Variants in DHRS9 observed in about 807,000 individuals in gnomAD.
The protein encoded by DHRS9 is dehydrogenase/reductase SDR family member 9.
DHRS9 carries 18 observed loss-of-function variants against 26.6 expected under a neutral mutation model. The observed-to-expected ratio is 0.68, with a 90% CI of 0.47 to 1.00. The LOEUF (loss-of-function observed/expected upper bound fraction) is 1.00, where lower values mean the gene tolerates loss of function less well. Among genes scored for constraint, DHRS9 ranks in the 50% least tolerant of loss-of-function variants. DHRS9 has a pLI of 0.00. For missense variants in DHRS9, 425 were observed against 378.7 expected (o/e 1.12, Z -1.01); for synonymous variants, 134 against 141.1 (o/e 0.95, Z 0.36).
At position 169,081,738 on chromosome 2, in the gene DHRS9, G is replaced by A. The variant is rs1183705713; in HGVS notation, c.157G>A (p.Gly53Arg). 4 of 1,614,150 alleles carry A rather than the reference G, an allele frequency of 2.5e-6. No individual in the cohort carries two copies. The highest frequency in any genetic ancestry group is 1.1e-5 in the South Asian group (1 of 91,082). Residue 53 changes from glycine to arginine, a missense_variant, in exon 2 of 5, where the codon GGA becomes AGA. Gly to Arg is a moderately radical substitution (Grantham distance 125). Coordinates refer to ENST00000674881, the MANE Select transcript of DHRS9 (RefSeq NM_001376924.1). ...GGCAGCCAGAACTTTTGATAAAAAGGGATTTCATGTAATCGCTGCCTGTCT... is the reference window on the plus strand; with the variant it reads ...GGCAGCCAGAACTTTTGATAAAAAGAGATTTCATGTAATCGCTGCCTGTCT... Reference protein sequence around the residue: ...NLAARTFDKKGFHVIAACLTE... With the variant: ...NLAARTFDKKRFHVIAACLTE...
intron 1 of DHRS9, chr2:169,074,206 C>CT: frequency 1.1e-6 from 1 of 906,810 alleles, no homozygotes; most frequent in Non-Finnish European, 1.3e-6. Context: ...GACATTAGGT[C>CT]ACTTCACCCA....
At chr2:169,094,072 T>A (rs1030042970) in intron 4 of DHRS9, among the ~76,000 whole-genome samples, 1 of 152,230 alleles carries the variant, frequency 6.6e-6, no homozygotes, top group Non-Finnish European at 1.5e-5. Flanking sequence ...CAAGAGGTTT[T>A]CTCCATGCCC....
At chr2:169,075,032 G>C (rs938861232) in intron 1 of DHRS9, among the ~76,000 whole-genome samples, 1 of 152,202 alleles carries the variant, frequency 6.6e-6, no homozygotes, top group East Asian at 1.9e-4. Flanking sequence ...CAACTACTTA[G>C]ATTTGAGCTT....
intron 1 of DHRS9, chr2:169,070,258 A>G (rs980586118): frequency 1.0e-6 from 1 of 985,324 alleles, no homozygotes; most frequent in African/African-American, 1.7e-5. Context: ...GAAATTCCCA[A>G]CAATTCATAT....
intron 1 of DHRS9, chr2:169,072,786 C>A (rs1015717344): frequency 3.1e-6 from 1 of 326,994 alleles, no homozygotes; most frequent in Non-Finnish European, 4.4e-6. Flanking sequence ...CTGCTGTCGA[C>A]TGATAATGTG....
At position 169,094,186 on chromosome 2, in the gene DHRS9, G is replaced by A. The variant is rs139227981; in HGVS notation, c.737-1358G>A. ...ATTTGCATTTCCCTGATGATTAGTGGTGACAAACATTTTTTTCATATACCT... is the reference window on the plus strand; with the variant it reads ...ATTTGCATTTCCCTGATGATTAGTGATGACAAACATTTTTTTCATATACCT... On this transcript the variant is annotated intron_variant, in intron 4 of 4. Transcript: ENST00000674881. 3.8e-3 allele frequency among the ~76,000 whole-genome samples: 576 copies of A among 152,212 alleles called. 2 individuals carry two copies. The highest frequency in any genetic ancestry group is 0.013 in the African/African-American group (543 of 41,544).
At chr2:169,072,575 G>C (rs999061524) in intron 1 of DHRS9, 1 of 984,912 alleles carries the variant, frequency 1.0e-6, no homozygotes, top group Non-Finnish European at 1.2e-6. Flanking sequence ...TTTTTACTAG[G>C]AAAACAAACT....
chr2:169,078,892 C>T (rs1299470363), intron 1 of DHRS9, among the ~76,000 whole-genome samples: 3 of 139,540 alleles, frequency 2.1e-5, no homozygotes, highest in East Asian at 2.2e-4. Context: ...GGCATGATCT[C>T]GGCTCACTAC....
intron 3 of DHRS9, among the ~76,000 whole-genome samples, chr2:169,087,026 G>A (rs1008472561): frequency 1.8e-4 from 27 of 152,132 alleles, no homozygotes; most frequent in Non-Finnish European, 3.7e-4. Flanking sequence ...AGCAGGTGGT[G>A]AAGCCAGCCA....
intron 1 of DHRS9, chr2:169,074,271 T>G: frequency 1.0e-6 from 1 of 985,366 alleles, no homozygotes; most frequent in Non-Finnish European, 1.2e-6. Context: ...AAATGGAGGC[T>G]AAGAAAAGTT....
chr2:169,074,603 C>A, intron 1 of DHRS9: 1 of 254,840 alleles, frequency 3.9e-6, no homozygotes, highest in Non-Finnish European at 6.2e-6. Context: ...GTCAATGAAC[C>A]AATTGGCCAT....
At chr2:169,074,715 G>A (rs1683912792) in intron 1 of DHRS9, among the ~76,000 whole-genome samples, 1 of 152,154 alleles carries the variant, frequency 6.6e-6, no homozygotes, top group African/African-American at 2.4e-5. Context: ...AAAGATATGT[G>A]TGTGTTTGTG....
At chr2:169,070,324 C>A in intron 1 of DHRS9, 1 of 985,424 alleles carries the variant, frequency 1.0e-6, no homozygotes, top group South Asian at 4.7e-5. Context: ...ATTTACTCCC[C>A]ATTTTATGAT....
intron 2 of DHRS9, among the ~76,000 whole-genome samples, chr2:169,082,120 TG>T (rs1488845395): frequency 6.6e-6 from 1 of 152,188 alleles, no homozygotes; most frequent in Admixed American, 6.5e-5. Context: ...TAAGTCTCAG[TG>T]GGTGAATTCA....
In DHRS9 at chr2:169,084,294, C is replaced by T. The variant is rs114022339; in HGVS notation, c.572+707C>T. Reference sequence around the variant, plus strand: ...TTAGCTGTTGTGAACAGTGCTACAACGAACATGATAGTGTAGATATCTCTT... The same window carrying T: ...TTAGCTGTTGTGAACAGTGCTACAATGAACATGATAGTGTAGATATCTCTT... On this transcript the variant is annotated intron_variant, in intron 3 of 4. Coordinates refer to ENST00000674881, the MANE Select transcript of DHRS9 (RefSeq NM_001376924.1). Among the ~76,000 whole-genome samples, 731 of 152,228 alleles carry T rather than the reference C, an allele frequency of 4.8e-3. 5 individuals carry two copies. The highest frequency in any genetic ancestry group is 0.014 in the East Asian group (75 of 5,188).
At chr2:169,067,598 A>G (rs1280949459), upstream of DHRS9, among the ~76,000 whole-genome samples, 1 of 152,192 alleles carries the variant, frequency 6.6e-6, no homozygotes, top group Non-Finnish European at 1.5e-5. Flanking sequence ...AAAAGGAACT[A>G]GGAAAAAACT....
chr2:169,067,935 G>T (rs1683691829), upstream of DHRS9, among the ~76,000 whole-genome samples: 1 of 152,180 alleles, frequency 6.6e-6, no homozygotes, highest in East Asian at 1.9e-4. Flanking sequence ...TAGATGGCAA[G>T]AATTCTAATT....
At chr2:169,088,080 T>C (rs1407148072) in intron 3 of DHRS9, among the ~76,000 whole-genome samples, 1 of 152,196 alleles carries the variant, frequency 6.6e-6, no homozygotes, top group East Asian at 1.9e-4. Flanking sequence ...GCAATCCTTG[T>C]GACCTGGACT....
At chr2:169,089,822 G>A (rs920683861) in intron 3 of DHRS9, among the ~76,000 whole-genome samples, 6 of 152,164 alleles carry the variant, frequency 3.9e-5, no homozygotes, top group African/African-American at 1.4e-4. Context: ...AGTGGATCTG[G>A]AGAGGAGCCT....
Sources: gnomAD v4.1 joint callset for allele counts (sites outside exome capture counted in the v4.1 genomes callset) on GRCh38, gnomAD v4.1.1 for gene constraint, MANE v1.5 for transcripts, NCBI Gene and HGNC (gene_info 2026-07-23, HGNC 2026-07-21) for gene names.